The following ANKHD1 variants were observed in gnomAD, a reference collection of about 807,000 sequenced individuals.
The protein encoded by ANKHD1 is ankyrin repeat and KH domain containing 1.
A neutral mutation model predicts 230.5 loss-of-function variants in ANKHD1; 31 were observed. The observed-to-expected ratio is 0.13, with a 90% CI of 0.10 to 0.18. The LOEUF is 0.18. Ranked by LOEUF, ANKHD1 falls within the 10% of genes least tolerant of loss-of-function variation. ANKHD1 has a pLI of 1.00. For synonymous variants in ANKHD1, 1,074 were observed against 1,117.6 expected (o/e 0.96, Z 0.78); for missense variants, 2,256 against 3,071.3 (o/e 0.73, Z 6.27).
At chr5:140,532,711 A>G (rs1433712690) in intron 29 of ANKHD1, 4 of 332,856 alleles carry the variant, frequency 1.2e-5, no homozygotes, top group African/African-American at 9.1e-5. Context: ...TTAAATGAGT[A>G]AATTGTATGG....
chr5:140,459,886 A>ATCTTAGACTCCTAAGT (rs1775579243), intron 9 of ANKHD1, among the ~76,000 whole-genome samples: 1 of 152,224 alleles, frequency 6.6e-6, no homozygotes, highest in East Asian at 1.9e-4. Context: ...AGACAGCTGC[A>ATCTTAGACTCCTAAGT]TAATTTAACT....
chr5:140,450,048 C>A (rs954816558), intron 7 of ANKHD1, among the ~76,000 whole-genome samples: 1 of 152,080 alleles, frequency 6.6e-6, no homozygotes, highest in Non-Finnish European at 1.5e-5. Context: ...TCTGTAAGCA[C>A]ATATATATCA....
chr5:140,447,740 C>T (rs1774404213), intron 6 of ANKHD1, among the ~76,000 whole-genome samples: 2 of 152,134 alleles, frequency 1.3e-5, no homozygotes, highest in African/African-American at 4.8e-5. Flanking sequence ...CACAAGGTTA[C>T]AATAAACCTA....
At chr5:140,489,076 G>A (rs1751644952) in intron 14 of ANKHD1, among the ~76,000 whole-genome samples, 1 of 151,928 alleles carries the variant, frequency 6.6e-6, no homozygotes, top group Non-Finnish European at 1.5e-5. Context: ...TGTAGTCCCT[G>A]CTGCTAGGGA....
In ANKHD1 at chr5:140,486,948, G is replaced by T. The variant is rs1259959763; in HGVS notation, c.2143-10G>T. 2 of 1,603,546 alleles carry T rather than the reference G, an allele frequency of 1.2e-6. No homozygotes were observed. Among genetic ancestry groups the T allele is most frequent in the South Asian group, 2.2e-5 (2 of 89,686 alleles). ...GTCTGAGATGATTTTTTTCTGAGTTGACTTTTTAGGTGCCACGTGTGCCAA... is the reference window on the plus strand; with the variant it reads ...GTCTGAGATGATTTTTTTCTGAGTTTACTTTTTAGGTGCCACGTGTGCCAA... On this transcript the variant is annotated splice_polypyrimidine_tract_variant and intron_variant, in intron 13 of 33. Coordinates refer to ENST00000360839, the MANE Select transcript of ANKHD1 (RefSeq NM_017747.3).
At chr5:140,407,577 T>TA (rs113562738) in intron 1 of ANKHD1, among the ~76,000 whole-genome samples, 57 of 143,662 alleles carry the variant, frequency 4.0e-4, no homozygotes, top group Admixed American at 7.7e-4. Flanking sequence ...CCACCTGATT[T>TA]AAAAAAAAAA....
At chr5:140,477,002 A>G (rs1751006976) in intron 10 of ANKHD1, among the ~76,000 whole-genome samples, 1 of 152,188 alleles carries the variant, frequency 6.6e-6, no homozygotes, top group Non-Finnish European at 1.5e-5. Context: ...ATATAAAGCT[A>G]TTACACTCAA....
At chr5:140,524,315 C>G in intron 25 of ANKHD1, 75 bp downstream of exon 25, 1 of 1,430,396 alleles carries the variant, frequency 7.0e-7, no homozygotes, top group Non-Finnish European at 9.1e-7. Context: ...GCTCTTTGCT[C>G]TAGTTAACTC....
intron 3 of ANKHD1, among the ~76,000 whole-genome samples, chr5:140,439,659 G>C (rs1338185499): frequency 6.6e-6 from 1 of 151,930 alleles, no homozygotes; most frequent in African/African-American, 2.4e-5. Flanking sequence ...AACAGAGTGA[G>C]ACTCTGTCTC....
chr5:140,455,718 A>G (rs1267696710), intron 7 of ANKHD1, among the ~76,000 whole-genome samples: 1 of 152,180 alleles, frequency 6.6e-6, no homozygotes, highest in Non-Finnish European at 1.5e-5. Context: ...CATATCTCAA[A>G]ATAATAAGAG....
chr5:140,441,722 T>C (rs1441241136), intron 5 of ANKHD1, among the ~76,000 whole-genome samples: 1 of 152,094 alleles, frequency 6.6e-6, no homozygotes, highest in African/African-American at 2.4e-5. Context: ...TTAATAATAG[T>C]GTATTATATT....
chr5:140,497,136 A>G lies in ANKHD1; in HGVS notation c.2862A>G (p.Val954=). The G allele has an allele frequency of 6.2e-7, 1 of 1,614,220 alleles. No homozygotes were observed. The highest frequency in any genetic ancestry group is 8.5e-7 in the Non-Finnish European group (1 of 1,180,040). The stretch of plus-strand genomic sequence containing the variant: ...CAAATTCTCTTGAACTTCAGAAAGT[A>G]TCAGGTAATCAGCAGATTGTAGGAC... ...NGTNSLELQK[V]SGNQQIVGQP... Residue 954 remains valine (V), a synonymous_variant, in exon 15 of 34, where the codon GTA becomes GTG. Transcript: ENST00000360839.
chr5:140,538,031 T>C, intron 31 of ANKHD1, 55 bp from the exon 32 acceptor site: 1 of 1,555,572 alleles, frequency 6.4e-7, no homozygotes, highest in South Asian at 1.2e-5. Flanking sequence ...AATGGTAATG[T>C]TTTGTTGTTT....
At chr5:140,504,011 C>T (rs1644567983) in intron 15 of ANKHD1, among the ~76,000 whole-genome samples, 1 of 152,112 alleles carries the variant, frequency 6.6e-6, no homozygotes, top group South Asian at 2.1e-4. Flanking sequence ...ACACATACTC[C>T]CTGCTATTTA....
rs374294928 is a variant in ANKHD1, at chr5:140,450,879, G to A, written c.1242+1574G>A. 2.4e-4 allele frequency among the ~76,000 whole-genome samples: 37 copies of A among 152,142 alleles called. 2 individuals are homozygous for A. Among genetic ancestry groups the A allele is most frequent in the Middle Eastern group, 3.4e-3 (1 of 294 alleles). Reference sequence around the variant, plus strand: ...AAAATATTCAAGAATTTGGCTGGGCGTGGTGGCTCATGCCTGTAATCCTAG... The same window carrying A: ...AAAATATTCAAGAATTTGGCTGGGCATGGTGGCTCATGCCTGTAATCCTAG... On this transcript the variant is annotated intron_variant, in intron 7 of 33. Coordinates refer to ENST00000360839, the MANE Select transcript of ANKHD1 (RefSeq NM_017747.3).
chr5:140,430,651 T>C (rs1772961492), intron 1 of ANKHD1, among the ~76,000 whole-genome samples: 1 of 127,294 alleles, frequency 7.9e-6, no homozygotes, highest in African/African-American at 2.8e-5. Context: ...ATGGTTTCCA[T>C]CTTTTTTTTT....
chr5:140,424,850 A>C (rs779574175), intron 1 of ANKHD1, among the ~76,000 whole-genome samples: 2 of 152,220 alleles, frequency 1.3e-5, no homozygotes, highest in Non-Finnish European at 2.9e-5. Context: ...TGGTGTAGTG[A>C]AAAGGGTGTA....
At chr5:140,426,524 ATTTATTTT>A (rs1256644418) in intron 1 of ANKHD1, among the ~76,000 whole-genome samples, 2 of 150,812 alleles carry the variant, frequency 1.3e-5, no homozygotes, top group African/African-American at 4.9e-5. Flanking sequence ...TTATTTATTT[ATTTATTTT>A]TTTATTGATC....
chr5:140,439,770 C>T (rs1183914305), intron 3 of ANKHD1, among the ~76,000 whole-genome samples: 3 of 151,838 alleles, frequency 2.0e-5, no homozygotes, highest in Non-Finnish European at 2.9e-5. Context: ...AGAAAGTTTA[C>T]AAAAATTTGT....
Sources: allele counts gnomAD v4.1 joint callset (sites outside exome capture counted in the v4.1 genomes callset), GRCh38; gene constraint gnomAD v4.1.1; transcripts MANE v1.5; gene names NCBI Gene and HGNC (gene_info 2026-07-23, HGNC 2026-07-21).